Variants in LRTM3 observed in about 807,000 individuals in gnomAD.
LRTM3 encodes the protein leucine-rich repeat transmembrane protein 3.
the LRTM3 span, chr13:102,741,657 T>C: frequency 2.6e-6 from 4 of 1,550,454 alleles, no homozygotes; most frequent in Non-Finnish European, 3.5e-6. Context: ...TGGCAAGTCT[T>C]CTGTTGAGAA....
At chr13:102,739,463 T>C in the LRTM3 span, 10 of 1,550,510 alleles carry the variant, frequency 6.4e-6, no homozygotes, top group African/African-American at 8.2e-5. Context: ...TCCTGACTTA[T>C]CTTTACCTGC....
the LRTM3 span, among the ~76,000 whole-genome samples, chr13:102,755,670 G>A: frequency 1.3e-5 from 2 of 151,702 alleles, no homozygotes; most frequent in Non-Finnish European, 2.9e-5. Context: ...ACGAGGGGAG[G>A]AAACTTAGAG....
At chr13:102,747,431 A>G in the LRTM3 span, 1 of 1,547,740 alleles carries the variant, frequency 6.5e-7, no homozygotes, top group East Asian at 2.4e-5. Flanking sequence ...TTTCATAATT[A>G]CATATTTGAC....
At chr13:102,738,197 TC>T in the LRTM3 span, 1 of 1,551,044 alleles carries the variant, frequency 6.4e-7, no homozygotes, top group Non-Finnish European at 8.7e-7. Flanking sequence ...ATGCATTATG[TC>T]TTTCTTAGCT....
the LRTM3 span, among the ~76,000 whole-genome samples, chr13:102,755,901 A>ATATGTG: frequency 1.0e-5 from 1 of 98,842 alleles, no homozygotes; most frequent in Admixed American, 1.1e-4. Context: ...ACACATATAT[A>ATATGTG]TGTGTGTGTG....
chr13:102,739,163 C>T, the LRTM3 span: 1 of 1,549,858 alleles, frequency 6.5e-7, no homozygotes, highest in Non-Finnish European at 8.7e-7. Flanking sequence ...ATTTAGATTA[C>T]TTTCATCTTC....
chr13:102,748,598 T>G, the LRTM3 span: 1 of 1,550,916 alleles, frequency 6.4e-7, no homozygotes, highest in Non-Finnish European at 8.7e-7. Flanking sequence ...GGAAACAAGT[T>G]TCTGCATAGG....
At chr13:102,745,210 C>T in the LRTM3 span, 86 of 1,550,898 alleles carry the variant, frequency 5.5e-5, 2 homozygotes, top group South Asian at 1.0e-3. Context: ...GTTGCAGGTG[C>T]TGTGGAATTA....
chr13:102,730,238 G>A, the LRTM3 span: 1 of 1,551,348 alleles, frequency 6.4e-7, no homozygotes, highest in East Asian at 2.4e-5. Context: ...ATTTTCCAAA[G>A]GAATGCCTGT....
chr13:102,742,990 A>AT, the LRTM3 span: 12 of 1,540,410 alleles, frequency 7.8e-6, no homozygotes, highest in Admixed American at 2.1e-5. Context: ...CTATTTTTAC[A>AT]TTTTTTTCTG....
At chr13:102,749,567 A>G in the LRTM3 span, 1 of 1,551,304 alleles carries the variant, frequency 6.4e-7, no homozygotes, top group Non-Finnish European at 8.7e-7. Flanking sequence ...TTTTGCCTCA[A>G]CAATTGATGG....
At chr13:102,733,878 T>C in the LRTM3 span, 1 of 1,551,364 alleles carries the variant, frequency 6.4e-7, no homozygotes, top group South Asian at 1.2e-5. Flanking sequence ...ACAACGTTTT[T>C]ATCAACGCCT....
chr13:102,740,921 T>C, the LRTM3 span: 1 of 1,549,996 alleles, frequency 6.5e-7, no homozygotes, highest in South Asian at 1.2e-5. Flanking sequence ...TGTACTTTCT[T>C]GTGGATGTTC....
the LRTM3 span, chr13:102,731,510 T>C: frequency 1.3e-6 from 2 of 1,551,470 alleles, no homozygotes; most frequent in Non-Finnish European, 1.7e-6. Context: ...CGTTTTGGGA[T>C]ATATTGCTGT....
the LRTM3 span, among the ~76,000 whole-genome samples, chr13:102,751,106 T>C: frequency 5.2e-4 from 79 of 152,272 alleles, no homozygotes; most frequent in Non-Finnish European, 9.4e-4. Flanking sequence ...TTAACATTTG[T>C]ATCAGTGAAC....
At chr13:102,741,482 CCTT>C in the LRTM3 span, 1 of 1,549,450 alleles carries the variant, frequency 6.5e-7, no homozygotes, top group Non-Finnish European at 8.7e-7. Context: ...TTCCTTTAAT[CCTT>C]CTTTTCCCAA....
chr13:102,749,961 C>A, the LRTM3 span: 1 of 1,551,026 alleles, frequency 6.4e-7, no homozygotes, highest in African/African-American at 1.4e-5. Context: ...AGAAGTCTAA[C>A]TTGATCTCTA....
At chr13:102,743,766 T>C in the LRTM3 span, 6 of 1,550,500 alleles carry the variant, frequency 3.9e-6, no homozygotes, top group South Asian at 1.2e-5. Flanking sequence ...CTATTGATTT[T>C]ATGTATCTGT....
the LRTM3 span, chr13:102,743,281 A>G: frequency 6.4e-7 from 1 of 1,550,588 alleles, no homozygotes; most frequent in Non-Finnish European, 8.7e-7. Flanking sequence ...GTTGTGTATG[A>G]CTTAACCCTG....
Sources: allele counts gnomAD v4.1 joint callset (sites outside exome capture counted in the v4.1 genomes callset), GRCh38; gene constraint gnomAD v4.1.1; transcripts MANE v1.5; gene names NCBI Gene and HGNC (gene_info 2026-07-23, HGNC 2026-07-21).